The following MAF variants were observed in gnomAD, a reference collection of about 807,000 sequenced individuals.
MAF encodes the protein MAF bZIP transcription factor.
A neutral mutation model predicts 22.0 loss-of-function variants in MAF; 10 were observed. The ratio of observed to expected loss-of-function variants is 0.45; its 90% CI spans 0.28 to 0.77. MAF has a LOEUF of 0.77. Ranked by LOEUF, MAF falls within the 30% of genes least tolerant of loss-of-function variation. The pLI is 0.12. For missense variants in MAF, 544 were observed against 548.4 expected, an observed-to-expected ratio of 0.99 and a Z score of 0.08; for synonymous variants, 337 against 255.8, an observed-to-expected ratio of 1.32 and a Z score of -3.03.
chr16:79,437,419 G>A, the MAF span, among the ~76,000 whole-genome samples: 1 of 152,188 alleles, frequency 6.6e-6, no homozygotes, highest in African/African-American at 2.4e-5. Flanking sequence ...TACAGGTGTG[G>A]GACACAGCCA....
the MAF span, chr16:79,211,778 T>C: frequency 1.2e-6 from 2 of 1,613,944 alleles, no homozygotes; most frequent in Non-Finnish European, 1.7e-6. Flanking sequence ...AAGAACGGCT[T>C]GGCAGCCAGT....
At chr16:79,512,296 C>T in the MAF span, among the ~76,000 whole-genome samples, 1 of 152,204 alleles carries the variant, frequency 6.6e-6, no homozygotes, top group Non-Finnish European at 1.5e-5. Flanking sequence ...TCAGTCGTTT[C>T]TCCACGAAGC....
the MAF span, among the ~76,000 whole-genome samples, chr16:79,232,702 C>T: frequency 2.0e-5 from 3 of 151,808 alleles, no homozygotes; most frequent in South Asian, 4.2e-4. Flanking sequence ...TCCATGATGC[C>T]CTATGATCTG....
chr16:79,546,451 A>C, the MAF span, among the ~76,000 whole-genome samples: 32 of 152,188 alleles, frequency 2.1e-4, no homozygotes, highest in Non-Finnish European at 2.9e-5. Context: ...AATTTTGAAA[A>C]TGTAGGAAGT....
chr16:79,343,101 C>G, the MAF span, among the ~76,000 whole-genome samples: 134 of 152,288 alleles, frequency 8.8e-4, 3 homozygotes, highest in Non-Finnish European at 1.6e-3. Context: ...CTTGTCAGAA[C>G]AAGCGAATGA....
the MAF span, among the ~76,000 whole-genome samples, chr16:79,455,026 G>T: frequency 4.0e-5 from 6 of 151,788 alleles, no homozygotes; most frequent in Non-Finnish European, 8.8e-5. Flanking sequence ...GACCCGGGAG[G>T]TGGAGGTTGC....
chr16:79,240,649 C>T, the MAF span, among the ~76,000 whole-genome samples: 1 of 151,860 alleles, frequency 6.6e-6, no homozygotes, highest in Non-Finnish European at 1.5e-5. Flanking sequence ...GGCCTGATGG[C>T]TCTAAAGAGA....
At chr16:79,472,785 G>T in the MAF span, among the ~76,000 whole-genome samples, 2 of 151,922 alleles carry the variant, frequency 1.3e-5, no homozygotes, top group East Asian at 3.9e-4. Context: ...TATATAAATT[G>T]TACGTCAATA....
At chr16:79,242,804 G>A in the MAF span, among the ~76,000 whole-genome samples, 2 of 151,982 alleles carry the variant, frequency 1.3e-5, no homozygotes, top group African/African-American at 4.8e-5. Flanking sequence ...ATAATTGGAA[G>A]TAAAACACTC....
chr16:79,522,157 A>G, the MAF span, among the ~76,000 whole-genome samples: 1 of 152,216 alleles, frequency 6.6e-6, no homozygotes, highest in African/African-American at 2.4e-5. Context: ...CTTGCTCAAG[A>G]ACACACAGCT....
At chr16:79,563,040 G>C in the MAF span, among the ~76,000 whole-genome samples, 1 of 152,200 alleles carries the variant, frequency 6.6e-6, no homozygotes, top group Non-Finnish European at 1.5e-5. Flanking sequence ...CAAATATCAA[G>C]TCAGTGTTAC....
At chr16:79,416,585 G>T in the MAF span, among the ~76,000 whole-genome samples, 5 of 152,134 alleles carry the variant, frequency 3.3e-5, no homozygotes, top group South Asian at 2.1e-4. Context: ...ATCCAGGAGG[G>T]AGTGGCCGTA....
the MAF span, among the ~76,000 whole-genome samples, chr16:79,369,733 C>T: frequency 6.6e-6 from 1 of 152,312 alleles, no homozygotes; most frequent in East Asian, 1.9e-4. Context: ...TCTTACAAAT[C>T]TCAGCCACTG....
the MAF span, among the ~76,000 whole-genome samples, chr16:79,286,034 A>C: frequency 6.6e-6 from 1 of 152,210 alleles, no homozygotes; most frequent in African/African-American, 2.4e-5. Context: ...ACTTCAGTTT[A>C]CAGAGGAAAT....
chr16:79,383,602 C>T, the MAF span, among the ~76,000 whole-genome samples: 1 of 152,220 alleles, frequency 6.6e-6, no homozygotes, highest in Non-Finnish European at 1.5e-5. Flanking sequence ...CCTCAATTAT[C>T]AGCAGACTTG....
At chr16:79,560,400 C>T in the MAF span, among the ~76,000 whole-genome samples, 5 of 150,702 alleles carry the variant, frequency 3.3e-5, no homozygotes, top group East Asian at 1.9e-4. Context: ...AGGAAACATA[C>T]GAACGAACAA....
At chr16:79,217,010 A>G in the MAF span, among the ~76,000 whole-genome samples, 7 of 152,106 alleles carry the variant, frequency 4.6e-5, no homozygotes, top group South Asian at 4.1e-4. Context: ...GGGTTTTGCC[A>G]TGTTGGCCAG....
At chr16:79,292,819 G>A in the MAF span, among the ~76,000 whole-genome samples, 1 of 152,158 alleles carries the variant, frequency 6.6e-6, no homozygotes, top group East Asian at 1.9e-4. Context: ...CGTCCTCACT[G>A]CTCATTATAT....
the MAF span, among the ~76,000 whole-genome samples, chr16:79,311,497 TAAAA>T: frequency 0.058 from 7,883 of 136,696 alleles, 441 homozygotes; most frequent in East Asian, 0.23. Context: ...TTGTTTTCTT[TAAAA>T]AAAAAAAAAA....
Sources: gnomAD v4.1 joint callset for allele counts (sites outside exome capture counted in the v4.1 genomes callset) on GRCh38, gnomAD v4.1.1 for gene constraint, MANE v1.5 for transcripts, NCBI Gene and HGNC (gene_info 2026-07-23, HGNC 2026-07-21) for gene names.